ABCB7: variants seen among roughly 807,000 people sequenced by gnomAD.
ABCB7 encodes the protein ATP binding cassette subfamily B member 7, also known as iron-sulfur clusters transporter ABCB7, mitochondrial.
In ABCB7, 7 loss-of-function variants were observed where a neutral mutation model predicts 54.4. That is an observed-to-expected ratio of 0.13 (90% confidence interval 0.07 to 0.24). The LOEUF is 0.24. ABCB7 is among the 10% of genes least tolerant of loss of function. The probability of loss-of-function intolerance (pLI) is 1.00; values close to 1 mark genes in which losing one functional copy is unlikely to be tolerated. For synonymous variants in ABCB7, 218 were observed against 207.1 expected (o/e 1.05, Z -0.45); for missense variants, 356 against 570.4 (o/e 0.62, Z 3.83).
chrX:75,122,328 G>C (rs2081885682), intron 1 of ABCB7, among the ~76,000 whole-genome samples: 1 of 110,845 alleles, frequency 9.0e-6, no homozygotes, highest in African/African-American at 3.3e-5. Context: ...GGCAACATCG[G>C]GAAGTTACCC....
chrX:75,123,432 G>C (rs1161455615), intron 1 of ABCB7, among the ~76,000 whole-genome samples: 1 of 111,549 alleles, frequency 9.0e-6, no homozygotes, highest in Non-Finnish European at 1.9e-5. Flanking sequence ...GATTAATACA[G>C]CTTTGTAATT....
intron 12 of ABCB7, among the ~76,000 whole-genome samples, chrX:75,066,574 G>A (rs2081320082): frequency 9.0e-6 from 1 of 110,904 alleles, no homozygotes; most frequent in Admixed American, 9.7e-5. Flanking sequence ...GGGTAACTGT[G>A]AGATGATGGA....
intron 9 of ABCB7, 137 bp downstream of exon 9, chrX:75,071,372 T>A: frequency 1.4e-6 from 1 of 703,616 alleles, no homozygotes. Context: ...TACATTCTGA[T>A]ACAGAGAAAA....
chrX:75,124,666 T>C (rs1371730066), intron 1 of ABCB7, among the ~76,000 whole-genome samples: 5 of 111,884 alleles, frequency 4.5e-5, no homozygotes, highest in Non-Finnish European at 7.5e-5. Flanking sequence ...TTCTTTATCA[T>C]ATTAAGAGTG....
At chrX:75,099,345 C>T (rs1052834560) in intron 3 of ABCB7, among the ~76,000 whole-genome samples, 8 of 111,514 alleles carry the variant, frequency 7.2e-5, no homozygotes, top group Admixed American at 2.9e-4. Context: ...GGGACATGTA[C>T]TATACATTTA....
chrX:75,053,882 AG>A (rs1408513075), intron 15 of ABCB7, among the ~76,000 whole-genome samples: 1 of 112,185 alleles, frequency 8.9e-6, no homozygotes, highest in Non-Finnish European at 1.9e-5. Flanking sequence ...AAGGGAAGAA[AG>A]GGAAGGTTAA....
intron 1 of ABCB7, among the ~76,000 whole-genome samples, chrX:75,130,642 G>A (rs2147552925): frequency 9.0e-6 from 1 of 111,600 alleles, no homozygotes; most frequent in East Asian, 2.8e-4. Context: ...AACACTCTTG[G>A]GGCTGAAGTG....
At position 75,112,978 on chromosome X, in the gene ABCB7, T is replaced by C. The variant is rs1268097019; in HGVS notation, c.247-6A>G. ...AGTGGCCATACCTGGAGAGCCTAAT[T>C]GAAGATGATACCAAGCAGTCCGTTA... On this transcript the variant is annotated splice_region_variant and splice_polypyrimidine_tract_variant and intron_variant, in intron 2 of 15. Transcript: ENST00000373394. 8.4e-7 allele frequency: 1 copy of C among 1,190,825 alleles called. No homozygotes were observed.
chrX:75,127,088 T>C (rs946377876), intron 1 of ABCB7, among the ~76,000 whole-genome samples: 1 of 111,463 alleles, frequency 9.0e-6, no homozygotes, highest in African/African-American at 3.3e-5. Flanking sequence ...TAACAAAACC[T>C]GGCAGAGACA....
chrX:75,079,771 G>A (rs2081440828), intron 4 of ABCB7, among the ~76,000 whole-genome samples: 1 of 111,442 alleles, frequency 9.0e-6, no homozygotes, highest in African/African-American at 3.3e-5. Flanking sequence ...TTTACCGCAC[G>A]TTCAGATCTG....
intron 14 of ABCB7, 133 bp downstream of exon 14, chrX:75,062,195 G>T (rs1569216487): frequency 1.9e-6 from 1 of 529,169 alleles, no homozygotes; most frequent in Admixed American, 3.1e-5. Flanking sequence ...TGGAAAAAGG[G>T]GGATAGGCAT....
Position 75,156,282 on chromosome X carries a change from G to T in ABCB7, c.-10C>A. ...TCGCGAGCAGCGCCATCTTGAGCGA[G>T]GAAAGAGGAACCGAGAGAAGAGGAT... is the stretch of plus-strand genomic sequence containing the variant. On this transcript the variant is annotated 5_prime_UTR_variant, in exon 1 of 16. Coordinates refer to ENST00000373394, the MANE Select transcript of ABCB7 (RefSeq NM_001271696.3). 8.3e-7 allele frequency: 1 copy of T among 1,199,958 alleles called. No individual in the cohort carries two copies. Among genetic ancestry groups the T allele is most frequent in the South Asian group, 1.8e-5 (1 of 55,240 alleles).
intron 1 of ABCB7, among the ~76,000 whole-genome samples, chrX:75,127,608 G>A (rs2081943402): frequency 9.0e-6 from 1 of 111,621 alleles, no homozygotes; most frequent in African/African-American, 3.3e-5. Flanking sequence ...TAGGAAGAGA[G>A]GTAGTCAAAT....
intron 15 of ABCB7, among the ~76,000 whole-genome samples, chrX:75,058,914 G>A (rs963895817): frequency 1.8e-5 from 2 of 111,161 alleles, no homozygotes; most frequent in African/African-American, 6.5e-5. Flanking sequence ...GATATAATAA[G>A]GTATTATTTA....
intron 4 of ABCB7, among the ~76,000 whole-genome samples, chrX:75,082,305 G>A (rs2147480362): frequency 8.9e-6 from 1 of 112,029 alleles, no homozygotes; most frequent in East Asian, 2.8e-4. Context: ...AGTGGTGAAA[G>A]AAAAGAACTG....
chrX:75,090,115 G>T (rs1376212148), intron 4 of ABCB7, among the ~76,000 whole-genome samples: 2 of 110,061 alleles, frequency 1.8e-5, no homozygotes, highest in Non-Finnish European at 3.8e-5. Flanking sequence ...GGCAAAAACT[G>T]ATAGAATGGC....
intron 3 of ABCB7, 71 bp from the exon 4 acceptor site, chrX:75,099,132 G>T (rs2081617542): frequency 9.4e-7 from 1 of 1,067,127 alleles, no homozygotes; most frequent in Non-Finnish European, 1.3e-6. Context: ...CAATAACGTA[G>T]AATTTATATA....
intron 3 of ABCB7, among the ~76,000 whole-genome samples, chrX:75,109,373 A>C (rs904126097): frequency 9.0e-6 from 1 of 111,644 alleles, no homozygotes; most frequent in Admixed American, 9.5e-5. Context: ...GTAAGTTTCT[A>C]TTTCTCGCCA....
intron 15 of ABCB7, among the ~76,000 whole-genome samples, chrX:75,059,887 C>T (rs985399358): frequency 1.8e-5 from 2 of 111,788 alleles, no homozygotes; most frequent in African/African-American, 6.5e-5. Flanking sequence ...ACATATAATA[C>T]AGCAAAGACA....
Sources: gnomAD v4.1 joint callset for allele counts (sites outside exome capture counted in the v4.1 genomes callset) on GRCh38, gnomAD v4.1.1 for gene constraint, MANE v1.5 for transcripts, NCBI Gene and HGNC (gene_info 2026-07-23, HGNC 2026-07-21) for gene names.